Variants in RASAL2 observed in about 807,000 individuals in gnomAD.
RASAL2 encodes the protein RAS protein activator like 2.
RASAL2 carries 58 observed loss-of-function variants against 128.9 expected under a neutral mutation model. The ratio of observed to expected loss-of-function variants is 0.45; its 90% CI spans 0.36 to 0.56. The LOEUF (loss-of-function observed/expected upper bound fraction) is 0.56. Among genes scored for constraint, RASAL2 ranks in the 20% least tolerant of loss-of-function variants. RASAL2 has a pLI of 0.00. For missense variants in RASAL2, 1,360 were observed against 1,601.6 expected, an observed-to-expected ratio of 0.85 and a Z score of 2.57; for synonymous variants, 561 against 580.8, an observed-to-expected ratio of 0.97 and a Z score of 0.49.
At chr1:178,187,333 A>C (rs1662339244) in intron 1 of RASAL2, among the ~76,000 whole-genome samples, 1 of 151,824 alleles carries the variant, frequency 6.6e-6, no homozygotes, top group African/African-American at 2.4e-5. Flanking sequence ...CATCAAGTAA[A>C]TTTTTCATGT....
chr1:178,128,865 T>G (rs1226372033), intron 1 of RASAL2, among the ~76,000 whole-genome samples: 3 of 152,120 alleles, frequency 2.0e-5, no homozygotes, highest in Middle Eastern at 3.2e-3. Flanking sequence ...TAGTACTTCA[T>G]TCTTTTTTTT....
chr1:178,445,690 T>A, intron 9 of RASAL2, 28 bp downstream of exon 9: 12 of 1,577,784 alleles, frequency 7.6e-6, no homozygotes, highest in Non-Finnish European at 1.0e-5. Flanking sequence ...ATCTATTTTC[T>A]TTTATTTACT....
chr1:178,420,584 G>C lies in RASAL2; in HGVS notation c.638G>C (p.Ser213Thr), dbSNP rs766098452. 5.6e-6 allele frequency: 9 copies of C among 1,612,596 alleles called. No homozygotes were observed. The South Asian group carries it at 8.8e-5, about 16-fold the overall frequency. ...CAGTCAAAGCTTGACAGAAACACGA[G>C]CTTTCGGCTTCCATCCCTTCGCAGT... ...KSQSKLDRNT[S>T]FRLPSLRSTD... Residue 213 changes from serine (S) to threonine (T), a missense_variant, in exon 5 of 18, where the codon AGC becomes ACC. By Grantham distance (58) the Ser-to-Thr change is moderately conservative. Coordinates refer to ENST00000367649, the MANE Select transcript of RASAL2 (RefSeq NM_170692.4).
chr1:178,342,894 A>G (rs2102409174), intron 3 of RASAL2, among the ~76,000 whole-genome samples: 1 of 152,342 alleles, frequency 6.6e-6, no homozygotes. Context: ...GTGTTAGCAG[A>G]TAATTTAAGT....
At chr1:178,319,332 C>T (rs1203885285) in intron 3 of RASAL2, among the ~76,000 whole-genome samples, 1 of 151,788 alleles carries the variant, frequency 6.6e-6, no homozygotes, top group Non-Finnish European at 1.5e-5. Context: ...TGAATCTGAA[C>T]GTTGGCCTGC....
At chr1:178,291,868 C>G (rs1321650959) in intron 2 of RASAL2, among the ~76,000 whole-genome samples, 3 of 151,904 alleles carry the variant, frequency 2.0e-5, no homozygotes, top group African/African-American at 7.3e-5. Context: ...AATCCTGTCT[C>G]TACGAAAAAT....
intron 3 of RASAL2, among the ~76,000 whole-genome samples, chr1:178,335,409 G>A (rs1439380559): frequency 1.3e-5 from 2 of 152,132 alleles, no homozygotes; most frequent in African/African-American, 2.4e-5. Flanking sequence ...ATAAGTAGCC[G>A]CTGAACTGAG....
At chr1:178,333,717 A>G (rs1020277512) in intron 3 of RASAL2, among the ~76,000 whole-genome samples, 2 of 152,252 alleles carry the variant, frequency 1.3e-5, no homozygotes, top group African/African-American at 4.8e-5. Flanking sequence ...TAAGTTACAA[A>G]ATAGTGTATA....
chr1:178,457,847 A>G lies in RASAL2; in HGVS notation c.2555A>G (p.Asp852Gly). The G allele has an allele frequency of 6.2e-7, 1 of 1,614,038 alleles. No homozygotes were observed. The highest frequency in any genetic ancestry group is 2.2e-5 in the East Asian group (1 of 44,862). ...AATGGTCGGAGCGTCTCCCTCATGG[A>G]CCTCCAGGACACTCATGCTGCTCAA... is the stretch of plus-strand genomic sequence containing the variant. ...LPNGRSVSLM[D>G]LQDTHAAQVE... The change falls in exon 14 of 18, where the codon GAC (aspartate) becomes GGC (glycine). Residue 852 changes from aspartate (D) to glycine (G), a missense_variant. By Grantham distance (94) the Asp-to-Gly change is moderately conservative. This residue lies in a region of RASAL2 where 741 missense variants were observed against 868.6 expected (regional missense o/e 0.85). Transcript: ENST00000367649.
chr1:178,101,635 A>G (rs1658904394), intron 1 of RASAL2, among the ~76,000 whole-genome samples: 1 of 152,226 alleles, frequency 6.6e-6, no homozygotes, highest in African/African-American at 2.4e-5. Context: ...GAAACCTTAA[A>G]GTCAATAGTT....
chr1:178,185,134 ATTGTAG>A (rs1662246729), intron 1 of RASAL2, among the ~76,000 whole-genome samples: 1 of 150,312 alleles, frequency 6.7e-6, no homozygotes, highest in East Asian at 1.9e-4. Flanking sequence ...TAATTTTCAA[ATTGTAG>A]TTGTTTGTTG....
rs76962927 is a variant in RASAL2 at position 178,258,779 on chromosome 1, A to C, written c.203-24785A>C. On this transcript the variant is annotated intron_variant, in intron 1 of 17. Coordinates refer to ENST00000367649, the MANE Select transcript of RASAL2 (RefSeq NM_170692.4). ...AGTTATATAACCAAGAGAAATGAAA[A>C]CGTATGTCCTCATAAAAATTCATAC... Among the ~76,000 whole-genome samples, 919 of 152,298 alleles carry C rather than the reference A, an allele frequency of 6.0e-3. 6 individuals carry two copies. The highest frequency in any genetic ancestry group is 9.6e-3 in the Non-Finnish European group (653 of 68,018).
At chr1:178,370,384 A>G (rs1671632086) in intron 3 of RASAL2, among the ~76,000 whole-genome samples, 1 of 152,192 alleles carries the variant, frequency 6.6e-6, no homozygotes, top group Non-Finnish European at 1.5e-5. Flanking sequence ...GTTATTACAA[A>G]GGAATTAGCA....
intron 1 of RASAL2, among the ~76,000 whole-genome samples, chr1:178,099,542 A>G (rs1042388130): frequency 2.0e-5 from 3 of 152,194 alleles, no homozygotes; most frequent in Admixed American, 1.3e-4. Flanking sequence ...ACCCTCTATC[A>G]TGTTGGTTCA....
Position 178,114,582 on chromosome 1 carries a change from C to T in RASAL2, c.202+19888C>T, listed in dbSNP as rs371252668. On this transcript the variant is annotated intron_variant, in intron 1 of 17. Coordinates refer to ENST00000367649, the MANE Select transcript of RASAL2 (RefSeq NM_170692.4). ...TTTTGCCCAGGCTGGAGTGCAATGG[C>T]GGGATATCTGCTCACTGCAAGCTCC... Among the ~76,000 whole-genome samples the T allele has an allele frequency of 5.0e-4, 75 of 150,632 alleles. 1 individual carries two copies. The highest frequency in any genetic ancestry group is 1.2e-3 in the African/African-American group (48 of 40,958).
intron 1 of RASAL2, among the ~76,000 whole-genome samples, chr1:178,199,137 G>A (rs998061434): frequency 1.3e-5 from 2 of 152,190 alleles, no homozygotes; most frequent in Non-Finnish European, 2.9e-5. Context: ...CTCCTGGTGT[G>A]CCATTTGCTA....
chr1:178,176,660 G>C (rs1661904685), intron 1 of RASAL2, among the ~76,000 whole-genome samples: 1 of 149,840 alleles, frequency 6.7e-6, no homozygotes, highest in African/African-American at 2.5e-5. Flanking sequence ...GAGACAGACA[G>C]ACAGAGAGAC....
At chr1:178,389,988 A>G (rs2102603553) in intron 3 of RASAL2, 112 bp from the exon 4 acceptor site, 1 of 673,396 alleles carries the variant, frequency 1.5e-6, no homozygotes, top group Non-Finnish European at 2.6e-6. Context: ...AGAATGTAAT[A>G]TACCTTTAAA....
At chr1:178,284,501 A>G (rs1393920772) in intron 2 of RASAL2, among the ~76,000 whole-genome samples, 2 of 152,230 alleles carry the variant, frequency 1.3e-5, no homozygotes, top group Admixed American at 6.5e-5. Flanking sequence ...GGTAGACAGA[A>G]TGTAACCAGG....
Sources: allele counts gnomAD v4.1 joint callset (sites outside exome capture counted in the v4.1 genomes callset), GRCh38; gene constraint gnomAD v4.1.1; regional missense constraint gnomAD v4.1.1; transcripts MANE v1.5; gene names NCBI Gene and HGNC (gene_info 2026-07-23, HGNC 2026-07-21).